Variants in SPAG16 observed in about 807,000 individuals in gnomAD.
The protein encoded by SPAG16 is sperm associated antigen 16.
Under a neutral mutation model 80.4 loss-of-function variants are expected in SPAG16, and 86 were observed. That is an observed-to-expected ratio of 1.07 (90% CI 0.90 to 1.28). The LOEUF (loss-of-function observed/expected upper bound fraction) is 1.28. Ranked by LOEUF, SPAG16 falls within the 50% of genes most tolerant of loss-of-function variation. The pLI is 0.00. For missense variants in SPAG16, 870 were observed against 765.3 expected (o/e 1.14, Z -1.61); for synonymous variants, 294 against 265.9 (o/e 1.11, Z -1.03).
intron 15 of SPAG16, chr2:214,239,543 A>G (rs1391879050): frequency 6.6e-6 from 1 of 152,190 alleles, no homozygotes; most frequent in Non-Finnish European, 1.5e-5. Context: ...TTTTGAGGAA[A>G]CAAATGTAAA....
chr2:213,972,494 C>T (rs1231906293), intron 12 of SPAG16, among the ~76,000 whole-genome samples: 2 of 152,096 alleles, frequency 1.3e-5, no homozygotes, highest in Non-Finnish European at 2.9e-5. Flanking sequence ...CCAGCTCAAG[C>T]AGAGAGCACA....
In SPAG16 at chr2:213,297,353, T is replaced by A. The variant is rs747543683; in HGVS notation, c.275T>A (p.Ile92Asn). The A allele has an allele frequency of 6.2e-7, 1 of 1,602,482 alleles. No individual in the cohort carries two copies. Among genetic ancestry groups the A allele is most frequent in the South Asian group, 1.1e-5 (1 of 89,400 alleles). ...CAAGAACAGGCTACAGATACTGAAA[T>A]TTTGGTGAGAATTTGAACACTAGTG... ...MAQEQATDTE[I>N]LERKTVLPSK... Residue 92 changes from isoleucine (I) to asparagine (N), a missense_variant, in exon 3 of 16, where the codon ATT becomes AAT. Coordinates refer to ENST00000331683, the MANE Select transcript of SPAG16 (RefSeq NM_024532.5).
chr2:213,499,293 G>T (rs1031051634), intron 10 of SPAG16, among the ~76,000 whole-genome samples: 1 of 151,872 alleles, frequency 6.6e-6, no homozygotes, highest in African/African-American at 2.4e-5. Context: ...TTGATACTAG[G>T]TACATAACAT....
At chr2:213,955,352 T>A (rs1052400644) in intron 12 of SPAG16, among the ~76,000 whole-genome samples, 1 of 152,172 alleles carries the variant, frequency 6.6e-6, no homozygotes, top group Non-Finnish European at 1.5e-5. Context: ...TTAATTTTGG[T>A]CTATGTTATA....
chr2:213,807,490 G>A (rs2071843177), intron 10 of SPAG16, among the ~76,000 whole-genome samples: 1 of 152,088 alleles, frequency 6.6e-6, no homozygotes, highest in African/African-American at 2.4e-5. Context: ...CTTGAACAAA[G>A]TCTCTTTTAT....
chr2:213,877,691 A>G (rs1365822), intron 11 of SPAG16, among the ~76,000 whole-genome samples: 90,287 of 151,840 alleles, frequency 0.59, 28,736 homozygotes, highest in South Asian at 0.85. Flanking sequence ...ATACCATAAT[A>G]TCCACTTATG....
chr2:214,060,523 A>G (rs1421481688), intron 13 of SPAG16, among the ~76,000 whole-genome samples: 1 of 152,220 alleles, frequency 6.6e-6, no homozygotes, highest in African/African-American at 2.4e-5. Context: ...TATAATAACA[A>G]TACAACCATA....
chr2:214,327,524 T>C (rs796385324), intron 15 of SPAG16, among the ~76,000 whole-genome samples: 2 of 152,198 alleles, frequency 1.3e-5, no homozygotes, highest in Non-Finnish European at 2.9e-5. Context: ...TTGATCAGCA[T>C]TTGTTGAGTG....
intron 10 of SPAG16, among the ~76,000 whole-genome samples, chr2:213,770,235 A>G (rs2069167902): frequency 6.6e-6 from 1 of 151,878 alleles, no homozygotes; most frequent in South Asian, 2.1e-4. Flanking sequence ...TTTTGTGATG[A>G]TTTATTTTTT....
chr2:213,383,994 C>T (rs2067302762), intron 9 of SPAG16, among the ~76,000 whole-genome samples: 1 of 152,154 alleles, frequency 6.6e-6, no homozygotes, highest in African/African-American at 2.4e-5. Context: ...TGCCTGAGTA[C>T]ATGTTAATCT....
chr2:213,410,863 G>GCT (rs1456440859), intron 9 of SPAG16, among the ~76,000 whole-genome samples: 2 of 152,010 alleles, frequency 1.3e-5, no homozygotes, highest in Admixed American at 6.5e-5. Flanking sequence ...GTCGTACCAA[G>GCT]CTCTCTCTCT....
At chr2:213,847,873 A>G (rs2074710521) in intron 10 of SPAG16, among the ~76,000 whole-genome samples, 2 of 152,210 alleles carry the variant, frequency 1.3e-5, no homozygotes, top group East Asian at 3.9e-4. Flanking sequence ...ACACACACAC[A>G]CACACACACA....
At chr2:213,372,726 A>G (rs1320197568) in intron 8 of SPAG16, among the ~76,000 whole-genome samples, 1 of 152,156 alleles carries the variant, frequency 6.6e-6, no homozygotes, top group African/African-American at 2.4e-5. Context: ...GGTAAATTAT[A>G]GACAATTTCT....
chr2:214,109,944 G>A (rs1272909840), intron 14 of SPAG16, among the ~76,000 whole-genome samples: 1 of 152,050 alleles, frequency 6.6e-6, no homozygotes, highest in African/African-American at 2.4e-5. Flanking sequence ...TTGTAAATCA[G>A]GCATTTTATT....
intron 4 of SPAG16, among the ~76,000 whole-genome samples, chr2:213,310,400 T>A (rs1300345004): frequency 1.3e-5 from 2 of 150,534 alleles, no homozygotes; most frequent in African/African-American, 2.4e-5. Flanking sequence ...TACAAAGACA[T>A]TTTTATTAAA....
chr2:213,355,136 CTT>C (rs1474315194), intron 7 of SPAG16, among the ~76,000 whole-genome samples: 1 of 152,156 alleles, frequency 6.6e-6, no homozygotes, highest in African/African-American at 2.4e-5. Context: ...TTCCCCATTT[CTT>C]GTTTTTGTCA....
chr2:213,820,197 C>A (rs950057219), intron 10 of SPAG16, among the ~76,000 whole-genome samples: 4 of 151,908 alleles, frequency 2.6e-5, no homozygotes, highest in African/African-American at 9.7e-5. Context: ...CTTCCAGCCT[C>A]CCAAGCAGCT....
At chr2:213,532,654 G>A (rs1335848536) in intron 10 of SPAG16, among the ~76,000 whole-genome samples, 1 of 151,414 alleles carries the variant, frequency 6.6e-6, no homozygotes, top group African/African-American at 2.4e-5. Flanking sequence ...GTAGAGATGT[G>A]GTTTCACTAT....
chr2:214,008,595 A>G (rs1433180069), intron 12 of SPAG16, among the ~76,000 whole-genome samples: 1 of 152,108 alleles, frequency 6.6e-6, no homozygotes, highest in Non-Finnish European at 1.5e-5. Flanking sequence ...AAATACAAAA[A>G]TCAGCCTGGT....
Sources: gnomAD v4.1 joint callset for allele counts (sites outside exome capture counted in the v4.1 genomes callset) on GRCh38, gnomAD v4.1.1 for gene constraint, MANE v1.5 for transcripts, NCBI Gene and HGNC (gene_info 2026-07-23, HGNC 2026-07-21) for gene names.